IQGAP2: variants seen among roughly 807,000 people sequenced by gnomAD.
IQGAP2 encodes the protein ras GTPase-activating-like protein IQGAP2.
Under a neutral mutation model 201.3 loss-of-function variants are expected in IQGAP2, and 173 were observed. The ratio of observed to expected loss-of-function variants is 0.86; its 90% CI spans 0.76 to 0.98. The LOEUF (loss-of-function observed/expected upper bound fraction) is 0.98. Ranked by LOEUF, IQGAP2 falls within the 50% of genes least tolerant of loss-of-function variation. The pLI, the probability that IQGAP2 is intolerant of heterozygous loss-of-function variation, is 0.00. For synonymous variants in IQGAP2, 675 were observed against 673.9 expected (o/e 1.00, Z -0.03); for missense variants, 1,687 against 1,864.8 (o/e 0.90, Z 1.76).
intron 13 of IQGAP2, among the ~76,000 whole-genome samples, chr5:76,619,453 A>G (rs1479849773): frequency 6.6e-6 from 1 of 152,010 alleles, no homozygotes; most frequent in African/African-American, 2.4e-5. Flanking sequence ...CCTGGAACCT[A>G]CAAGTATATT....
chr5:76,572,213 ATTTT>A (rs907882473), intron 4 of IQGAP2, among the ~76,000 whole-genome samples: 1 of 132,802 alleles, frequency 7.5e-6, no homozygotes. Flanking sequence ...ATGTACAGCT[ATTTT>A]TTTTTTTTTT....
At position 76,597,472 on chromosome 5, in the gene IQGAP2, T is replaced by G; in HGVS notation, c.941T>G (p.Ile314Ser). The G allele has an allele frequency of 6.2e-7, 1 of 1,614,002 alleles. No homozygotes were observed. Among genetic ancestry groups the G allele is most frequent in the Non-Finnish European group, 8.5e-7 (1 of 1,179,974 alleles). The part of the protein sequence containing the change: ...QAAVDHINAV[I>S]PEGDPENTLL... ...GCAGTGGACCATATCAATGCTGTCA[T>G]TCCGGAAGGTGACCCCGAGAATACG... The change falls in exon 10 of 36, where the codon ATT becomes AGT. Residue 314 changes from isoleucine to serine, a missense_variant. Coordinates refer to ENST00000274364, the MANE Select transcript of IQGAP2 (RefSeq NM_006633.5).
intron 1 of IQGAP2, among the ~76,000 whole-genome samples, chr5:76,431,817 CAAAA>C (rs11292591): frequency 7.9e-5 from 9 of 114,098 alleles, no homozygotes; most frequent in Admixed American, 9.5e-5. Flanking sequence ...GACTCTGTAT[CAAAA>C]AAAAAAAAAA....
intron 3 of IQGAP2, among the ~76,000 whole-genome samples, chr5:76,565,354 G>C (rs1243162998): frequency 1.3e-5 from 2 of 152,174 alleles, no homozygotes; most frequent in Non-Finnish European, 1.5e-5. Context: ...GGCACTGGCA[G>C]CTTTGATGGC....
chr5:76,444,165 C>G (rs1753227191), intron 1 of IQGAP2, among the ~76,000 whole-genome samples: 1 of 152,124 alleles, frequency 6.6e-6, no homozygotes, highest in Admixed American at 6.5e-5. Context: ...GCAGAAAGAT[C>G]ACTTGAGCTC....
intron 1 of IQGAP2, among the ~76,000 whole-genome samples, chr5:76,436,491 A>ATATATATATATATATATATATATT (rs1752665773): frequency 6.1e-5 from 1 of 16,516 alleles, no homozygotes; most frequent in Non-Finnish European, 1.2e-4. Flanking sequence ...ATATATATAT[A>ATATATATATATATATATATATATT]TATATATATA....
intron 2 of IQGAP2, among the ~76,000 whole-genome samples, chr5:76,540,779 G>A (rs535713889): frequency 1.3e-5 from 2 of 152,180 alleles, no homozygotes; most frequent in Non-Finnish European, 2.9e-5. Flanking sequence ...CTGGTGCACA[G>A]TGTGCCACCT....
intron 2 of IQGAP2, among the ~76,000 whole-genome samples, chr5:76,511,081 G>T (rs868250275): frequency 2.0e-5 from 3 of 152,334 alleles, no homozygotes; most frequent in Middle Eastern, 6.8e-3. Flanking sequence ...CAGGAACAAG[G>T]ATCCTACTGC....
chr5:76,499,251 G>T (rs1757148036), intron 2 of IQGAP2, among the ~76,000 whole-genome samples: 1 of 152,158 alleles, frequency 6.6e-6, no homozygotes, highest in Non-Finnish European at 1.5e-5. Flanking sequence ...CCATAAACTT[G>T]GTTGTCTTTT....
intron 3 of IQGAP2, among the ~76,000 whole-genome samples, chr5:76,567,529 A>T (rs1193059451): frequency 1.3e-5 from 2 of 152,220 alleles, no homozygotes; most frequent in African/African-American, 4.8e-5. Flanking sequence ...TGCCTGACAG[A>T]CATGAGCATC....
chr5:76,662,683 G>A (rs528732618), intron 21 of IQGAP2, among the ~76,000 whole-genome samples: 3 of 152,320 alleles, frequency 2.0e-5, no homozygotes, highest in African/African-American at 7.2e-5. Context: ...TTATTCTAGT[G>A]ATGTCTTAGG....
chr5:76,670,781 A>G (rs886787092), intron 23 of IQGAP2, among the ~76,000 whole-genome samples: 49 of 152,210 alleles, frequency 3.2e-4, no homozygotes, highest in African/African-American at 1.1e-3. Context: ...TGGGATTTGA[A>G]AAAGTGAAAA....
intron 28 of IQGAP2, among the ~76,000 whole-genome samples, chr5:76,680,096 A>G (rs777840460): frequency 6.6e-6 from 1 of 152,244 alleles, no homozygotes; most frequent in Non-Finnish European, 1.5e-5. Flanking sequence ...AGATTAGAAG[A>G]GAACGGAAAA....
intron 2 of IQGAP2, among the ~76,000 whole-genome samples, chr5:76,514,897 T>C (rs1758211692): frequency 6.6e-6 from 1 of 152,198 alleles, no homozygotes; most frequent in African/African-American, 2.4e-5. Flanking sequence ...AGTGTGTCTG[T>C]GTTCTCAGTC....
chr5:76,469,416 G>A (rs1235591168), intron 2 of IQGAP2, among the ~76,000 whole-genome samples: 1 of 148,874 alleles, frequency 6.7e-6, no homozygotes, highest in African/African-American at 2.5e-5. Context: ...TTTTTTTTGA[G>A]ACGTAGTGTC....
At chr5:76,464,820 T>G (rs911582526) in intron 2 of IQGAP2, among the ~76,000 whole-genome samples, 1 of 152,140 alleles carries the variant, frequency 6.6e-6, no homozygotes, top group Non-Finnish European at 1.5e-5. Flanking sequence ...TTAGAGGAAA[T>G]TGACAAATTC....
chr5:76,535,618 C>G (rs1463344720), intron 2 of IQGAP2, among the ~76,000 whole-genome samples: 1 of 152,156 alleles, frequency 6.6e-6, no homozygotes, highest in Non-Finnish European at 1.5e-5. Flanking sequence ...TGAGTCAGTC[C>G]CTGAGAAGCT....
At chr5:76,531,528 C>T (rs993120780) in intron 2 of IQGAP2, among the ~76,000 whole-genome samples, 8 of 152,238 alleles carry the variant, frequency 5.3e-5, no homozygotes, top group South Asian at 2.1e-4. Context: ...AGGGTTGTAC[C>T]GTTATGACGT....
intron 2 of IQGAP2, among the ~76,000 whole-genome samples, chr5:76,543,823 T>C (rs2150223373): frequency 6.6e-6 from 1 of 152,184 alleles, no homozygotes; most frequent in East Asian, 1.9e-4. Flanking sequence ...TTTTTGTTTT[T>C]TGTTTTTGTT....
Sources: gnomAD v4.1 joint callset for allele counts (sites outside exome capture counted in the v4.1 genomes callset) on GRCh38, gnomAD v4.1.1 for gene constraint, MANE v1.5 for transcripts, NCBI Gene and HGNC (gene_info 2026-07-23, HGNC 2026-07-21) for gene names.